The following BICDL1 variants were observed in gnomAD, a reference collection of about 807,000 sequenced individuals.
BICDL1 encodes the protein BICD family-like cargo adapter 1.
In BICDL1, 20 loss-of-function variants were observed where a neutral mutation model predicts 76.8. The ratio of observed to expected loss-of-function variants is 0.26; its 90% CI spans 0.18 to 0.38. BICDL1 has a LOEUF of 0.38. Among genes scored for constraint, BICDL1 ranks in the 10% least tolerant of loss-of-function variants. BICDL1 has a pLI of 1.00. For missense variants in BICDL1, 700 were observed against 798.6 expected (o/e 0.88, Z 1.49); for synonymous variants, 383 against 337.1 (o/e 1.14, Z -1.49).
chr12:119,997,955 A>G (rs1951684684), intron 1 of BICDL1, among the ~76,000 whole-genome samples: 2 of 152,282 alleles, frequency 1.3e-5, no homozygotes, highest in South Asian at 4.1e-4. Context: ...CTCTACTGAA[A>G]ATACAAAAAT....
In BICDL1 at chr12:120,071,529, G is replaced by T. The variant is rs988020579; in HGVS notation, c.910-93G>T. On this transcript the variant is annotated intron_variant, in intron 4 of 9. Transcript: ENST00000548673. This position sits in a 1 kb window ranked among gnomAD's most constrained non-coding sequence, Gnocchi z 4.8. ...CTCCTATTTATTTTTCTATAAATTG[G>T]TGGTTGGATCCAGAAGCATGATCAG... is the stretch of plus-strand genomic sequence containing the variant. 2 of 1,436,812 alleles carry T rather than the reference G, an allele frequency of 1.4e-6. No individual in the cohort carries two copies. The highest frequency in any genetic ancestry group is 9.2e-7 in the Non-Finnish European group (1 of 1,086,342). The allele number at this position is 1,436,812 out of a possible 1,614,324, so 89.0% of individuals were successfully genotyped here.
intron 2 of BICDL1, among the ~76,000 whole-genome samples, chr12:120,031,294 C>T (rs1255503347): frequency 1.3e-5 from 2 of 151,406 alleles, no homozygotes; most frequent in Non-Finnish European, 2.9e-5. Context: ...AGCTCCGCCT[C>T]CTGGGTTCAC....
intron 1 of BICDL1, 47 bp from the exon 2 acceptor site, chr12:119,998,474 G>A: frequency 6.6e-7 from 1 of 1,506,608 alleles, no homozygotes; most frequent in Non-Finnish European, 8.9e-7. Context: ...AAAATAAAAG[G>A]CTGTGGAATT....
intron 9 of BICDL1, 173 bp from the exon 10 acceptor site, chr12:120,092,827 C>T: frequency 5.1e-6 from 5 of 985,416 alleles, no homozygotes; most frequent in Non-Finnish European, 6.0e-6. Context: ...CCTGCGTGCG[C>T]CTGGTGTCTT....
intron 2 of BICDL1, among the ~76,000 whole-genome samples, chr12:120,022,970 A>G (rs1039043566): frequency 2.6e-5 from 4 of 152,218 alleles, no homozygotes; most frequent in African/African-American, 9.6e-5. Context: ...ACCAATCAAC[A>G]TAAACATGTG....
At chr12:119,996,681 TACAC>T (rs10545057) in intron 1 of BICDL1, among the ~76,000 whole-genome samples, 31,992 of 150,012 alleles carry the variant, frequency 0.21, 6,063 homozygotes, top group African/African-American at 0.52. Context: ...CATATACAGA[TACAC>T]ACACACACAC....
chr12:120,073,936 T>C (rs1873313986), intron 6 of BICDL1, among the ~76,000 whole-genome samples: 1 of 152,240 alleles, frequency 6.6e-6, no homozygotes, highest in Admixed American at 6.5e-5. Flanking sequence ...TTTTGTTTTT[T>C]TGAGACGGAG....
rs776420533 is a variant in BICDL1, at chr12:120,071,574, TG to T, written c.910-46del. On this transcript the variant is annotated intron_variant, in intron 4 of 9. Coordinates refer to ENST00000548673, the MANE Select transcript of BICDL1 (RefSeq NM_001367886.1). The surrounding 1 kb of genome is among the most constrained non-coding windows in gnomAD (Gnocchi z 4.8). ...GATCAGGTTGAGGGTCAGTTTGTCTTGGTTTTTGTGTTTGGTAAACCTCAAC... is the reference window on the plus strand; with the variant it reads ...GATCAGGTTGAGGGTCAGTTTGTCTTGTTTTTGTGTTTGGTAAACCTCAAC... The T allele has an allele frequency of 6.5e-6, 10 of 1,547,402 alleles. No homozygotes were observed. The highest frequency in any genetic ancestry group is 8.7e-6 in the Non-Finnish European group (10 of 1,146,998).
intron 2 of BICDL1, among the ~76,000 whole-genome samples, chr12:120,001,487 C>A (rs552036435): frequency 1.0e-3 from 154 of 152,174 alleles, no homozygotes; most frequent in Middle Eastern, 3.4e-3. Flanking sequence ...ACCTTGTGAT[C>A]TGCCCGCCTC....
At chr12:120,074,669 C>T (rs1350418223) in intron 7 of BICDL1, 83 bp downstream of exon 7, 2 of 969,886 alleles carry the variant, frequency 2.1e-6, no homozygotes, top group Admixed American at 1.2e-4. Flanking sequence ...TTTCTCTCTC[C>T]CATTTCTGTG....
At chr12:120,074,715 A>ATTCCT in intron 7 of BICDL1, 129 bp downstream of exon 7, 1 of 734,616 alleles carries the variant, frequency 1.4e-6, no homozygotes, top group Non-Finnish European at 1.7e-6. Context: ...TCATCAAGGA[A>ATTCCT]TGGTGACCTG....
chr12:120,056,917 C>T (rs1409988901), intron 2 of BICDL1: 1 of 329,320 alleles, frequency 3.0e-6, no homozygotes, highest in Non-Finnish European at 5.9e-6. Flanking sequence ...CGACCGCCTG[C>T]CCTTGATGCA....
intron 2 of BICDL1, among the ~76,000 whole-genome samples, chr12:120,031,930 A>G (rs976847480): frequency 6.6e-6 from 1 of 151,996 alleles, no homozygotes; most frequent in East Asian, 1.9e-4. Context: ...GTCTCTACAA[A>G]TAAAAAAAAA....
intron 6 of BICDL1, among the ~76,000 whole-genome samples, chr12:120,073,559 G>A (rs961701399): frequency 6.6e-6 from 1 of 152,198 alleles, no homozygotes; most frequent in Non-Finnish European, 1.5e-5. Flanking sequence ...GACTGTTCCC[G>A]TGGGCATCCT....
Position 120,057,818 on chromosome 12 carries a change from C to CCTTTTTTTTTTTTTTTTTTTTT in BICDL1, c.646-3892_646-3891insCTTTTTTTTTTTTTTTTTTTTT, listed in dbSNP as rs1953008680. Reference sequence around the variant, plus strand: ...TGCAAAAGGAGGCCAGCGATTCCTGCTTTTTTTTTTTTTTTTTTTTTTTTT... The same window carrying CCTTTTTTTTTTTTTTTTTTTTT: ...TGCAAAAGGAGGCCAGCGATTCCTGCCTTTTTTTTTTTTTTTTTTTTTTTTTTTTTTTTTTTTTTTTTTTTTT... On this transcript the variant is annotated intron_variant, in intron 2 of 9. Coordinates refer to ENST00000548673, the MANE Select transcript of BICDL1 (RefSeq NM_001367886.1). Among the ~76,000 whole-genome samples, 3 of 78,324 alleles carry CCTTTTTTTTTTTTTTTTTTTTT rather than the reference C, an allele frequency of 3.8e-5. 1 individual carries two copies. Among genetic ancestry groups the CCTTTTTTTTTTTTTTTTTTTTT allele is most frequent in the Non-Finnish European group, 6.7e-5 (3 of 44,758 alleles). The allele number at this position is 78,324 out of a possible 152,430, so 51.4% of individuals were successfully genotyped here. A position where few individuals can be genotyped will look rare whatever the true frequency, so the allele number is the denominator to read the frequency against.
At chr12:120,090,834 C>T (rs1256997974) in intron 9 of BICDL1, 1 of 1,254,312 alleles carries the variant, frequency 8.0e-7, no homozygotes, top group Non-Finnish European at 1.0e-6. Context: ...CCGTCCCTGG[C>T]TCCTTGGCTC....
intron 2 of BICDL1, among the ~76,000 whole-genome samples, chr12:120,058,000 T>G (rs1467658162): frequency 1.3e-5 from 2 of 151,446 alleles, no homozygotes; most frequent in African/African-American, 4.9e-5. Flanking sequence ...CTGGAGAATT[T>G]TTTTTTGTAT....
intron 2 of BICDL1, among the ~76,000 whole-genome samples, chr12:120,056,273 TTAAC>T (rs1174450936): frequency 1.3e-5 from 2 of 152,360 alleles, no homozygotes; most frequent in East Asian, 3.9e-4. Context: ...GAAAAATGCT[TTAAC>T]TAAAGTCTTG....
rs79691291 is a variant in BICDL1, at chr12:120,042,815, A to G, written c.646-18895A>G. Among the ~76,000 whole-genome samples, 583 of 152,112 alleles carry G rather than the reference A, an allele frequency of 3.8e-3. 8 individuals are homozygous for G. The East Asian group carries it at 0.044, about 11-fold the overall frequency. On this transcript the variant is annotated intron_variant, in intron 2 of 9. Coordinates refer to ENST00000548673, the MANE Select transcript of BICDL1 (RefSeq NM_001367886.1). ...GCGAGACTCCCCCTCAAAAAAAAAA[A>G]AAAAGACGAAGAACCTAAGTCAGAG...
Sources: gnomAD v4.1 joint callset for allele counts (sites outside exome capture counted in the v4.1 genomes callset) on GRCh38, gnomAD v4.1.1 for gene constraint, Gnocchi (gnomAD v3.1) non-coding constraint, MANE v1.5 for transcripts, NCBI Gene and HGNC (gene_info 2026-07-23, HGNC 2026-07-21) for gene names.